Variants in CNTNAP5 observed in about 807,000 individuals in gnomAD.
CNTNAP5 encodes the protein contactin-associated protein-like 5.
A neutral mutation model predicts 150.2 loss-of-function variants in CNTNAP5; 72 were observed. That is an observed-to-expected ratio of 0.48 (90% CI 0.40 to 0.58). The LOEUF (loss-of-function observed/expected upper bound fraction) is 0.58. Ranked by LOEUF, CNTNAP5 falls within the 20% of genes least tolerant of loss-of-function variation. CNTNAP5 has a pLI of 0.00. For synonymous variants in CNTNAP5, 672 were observed against 619.8 expected, an observed-to-expected ratio of 1.08 and a Z score of -1.25; for missense variants, 1,636 against 1,626.2, an observed-to-expected ratio of 1.01 and a Z score of -0.10.
chr2:124,830,002 A>G (rs1442565856), intron 19 of CNTNAP5, among the ~76,000 whole-genome samples: 1 of 151,592 alleles, frequency 6.6e-6, no homozygotes, highest in Non-Finnish European at 1.5e-5. Flanking sequence ...CATAATCAAA[A>G]TTATAGCTGA....
intron 4 of CNTNAP5, among the ~76,000 whole-genome samples, chr2:124,419,153 A>AACAAAAAAAAC (rs1553466543): frequency 1.3e-5 from 1 of 76,404 alleles, no homozygotes; most frequent in African/African-American, 4.8e-5. Flanking sequence ...AAAAAAAAAA[A>AACAAAAAAAAC]AAAAAAAAAA....
At chr2:124,135,993 T>C (rs995814779) in intron 1 of CNTNAP5, among the ~76,000 whole-genome samples, 1 of 152,216 alleles carries the variant, frequency 6.6e-6, no homozygotes, top group Non-Finnish European at 1.5e-5. Context: ...GAACCTTAAA[T>C]CTAGGTGAAC....
At chr2:124,677,481 A>T (rs996709818) in intron 13 of CNTNAP5, among the ~76,000 whole-genome samples, 10 of 152,202 alleles carry the variant, frequency 6.6e-5, no homozygotes, top group African/African-American at 2.4e-4. Flanking sequence ...GGCCCCGCCC[A>T]CATCCTGCTG....
chr2:124,486,970 A>G (rs963053962), intron 7 of CNTNAP5, among the ~76,000 whole-genome samples: 5 of 152,206 alleles, frequency 3.3e-5, no homozygotes, highest in Non-Finnish European at 4.4e-5. Flanking sequence ...ATTCATATTT[A>G]ACCTAAAAAT....
At chr2:124,879,085 G>C (rs773682131) in intron 21 of CNTNAP5, among the ~76,000 whole-genome samples, 1 of 152,132 alleles carries the variant, frequency 6.6e-6, no homozygotes, top group South Asian at 2.1e-4. Flanking sequence ...CCTCTGATGG[G>C]TTATAATCAT....
chr2:124,600,760 AG>A (rs1206961344), intron 11 of CNTNAP5, among the ~76,000 whole-genome samples: 1 of 114,472 alleles, frequency 8.7e-6, no homozygotes, highest in Non-Finnish European at 2.0e-5. Flanking sequence ...AGAGAGAGAG[AG>A]AGAGAGAAAG....
rs184195149 is a variant in CNTNAP5, at chr2:124,089,890, A to G, written c.82+64158A>G. 5.0e-3 allele frequency among the ~76,000 whole-genome samples: 756 copies of G among 152,292 alleles called. 3 individuals carry two copies. Among genetic ancestry groups the G allele is most frequent in the Admixed American group, 8.0e-3 (123 of 15,302 alleles). ...CTTTCATGCACATGCTTCAAATCTCAGCCTTTGGGTTGTGAAGCACTTCAG... is the reference window on the plus strand; with the variant it reads ...CTTTCATGCACATGCTTCAAATCTCGGCCTTTGGGTTGTGAAGCACTTCAG... On this transcript the variant is annotated intron_variant, in intron 1 of 23. Transcript: ENST00000682447.
At chr2:124,339,631 G>A (rs182994056) in intron 3 of CNTNAP5, among the ~76,000 whole-genome samples, 8 of 152,182 alleles carry the variant, frequency 5.3e-5, no homozygotes, top group Admixed American at 3.3e-4. Context: ...TGGGTTTTTC[G>A]TGCTCACTGT....
chr2:124,034,818 C>G (rs1223890339), intron 1 of CNTNAP5, among the ~76,000 whole-genome samples: 1 of 152,158 alleles, frequency 6.6e-6, no homozygotes, highest in East Asian at 1.9e-4. Context: ...GAGATTCAGG[C>G]AGATGGACCT....
intron 8 of CNTNAP5, among the ~76,000 whole-genome samples, chr2:124,521,514 A>G (rs1694845566): frequency 6.6e-6 from 1 of 152,172 alleles, no homozygotes; most frequent in Non-Finnish European, 1.5e-5. Flanking sequence ...ACAGACTCCC[A>G]TTGAGCAGAC....
chr2:124,359,330 T>A (rs2104712409), intron 3 of CNTNAP5, among the ~76,000 whole-genome samples: 1 of 151,540 alleles, frequency 6.6e-6, no homozygotes, highest in East Asian at 2.0e-4. Context: ...TTTTAGTTAT[T>A]TCTTGCCTTC....
At chr2:124,528,442 G>A (rs1695026706) in intron 10 of CNTNAP5, among the ~76,000 whole-genome samples, 1 of 152,114 alleles carries the variant, frequency 6.6e-6, no homozygotes, top group Non-Finnish European at 1.5e-5. Context: ...AGAGGGGAAG[G>A]GAGATTGGCA....
intron 3 of CNTNAP5, among the ~76,000 whole-genome samples, chr2:124,409,971 G>A (rs1691702016): frequency 2.0e-5 from 3 of 150,266 alleles, no homozygotes; most frequent in Admixed American, 6.6e-5. Context: ...TCAGTGTGCT[G>A]TATTCAGGGA....
At chr2:124,735,383 T>C (rs948670047) in intron 13 of CNTNAP5, among the ~76,000 whole-genome samples, 1 of 152,124 alleles carries the variant, frequency 6.6e-6, no homozygotes, top group Non-Finnish European at 1.5e-5. Flanking sequence ...CCAATTAGAC[T>C]TCATAGAAAC....
intron 21 of CNTNAP5, among the ~76,000 whole-genome samples, chr2:124,890,650 A>G (rs1678175062): frequency 6.6e-6 from 1 of 152,236 alleles, no homozygotes; most frequent in African/African-American, 2.4e-5. Flanking sequence ...GATGCCAACA[A>G]TATGTTTATT....
intron 13 of CNTNAP5, among the ~76,000 whole-genome samples, chr2:124,660,090 G>C (rs1678555850): frequency 6.6e-6 from 1 of 151,584 alleles, no homozygotes; most frequent in African/African-American, 2.4e-5. Flanking sequence ...AAGGGAGGGA[G>C]ATAGGAAGGA....
chr2:124,560,973 A>C (rs544162136), intron 10 of CNTNAP5, among the ~76,000 whole-genome samples: 2,482 of 152,182 alleles, frequency 0.016, 67 homozygotes, highest in African/African-American at 0.056. Flanking sequence ...AAACAACAAA[A>C]AAAAAAACTA....
chr2:124,218,209 C>T (rs1040771890), intron 1 of CNTNAP5, among the ~76,000 whole-genome samples: 3 of 152,080 alleles, frequency 2.0e-5, no homozygotes, highest in Admixed American at 6.6e-5. Context: ...CAGACCTTGG[C>T]GACAACCTTG....
At chr2:124,860,414 CCCTT>C (rs201141839) in intron 19 of CNTNAP5, among the ~76,000 whole-genome samples, 5,104 of 93,308 alleles carry the variant, frequency 0.055, 392 homozygotes, top group African/African-American at 0.17. Flanking sequence ...CTCCCTCTCT[CCCTT>C]CCTTCCTTCC....
Sources: gnomAD v4.1 joint callset for allele counts (sites outside exome capture counted in the v4.1 genomes callset) on GRCh38, gnomAD v4.1.1 for gene constraint, MANE v1.5 for transcripts, NCBI Gene and HGNC (gene_info 2026-07-23, HGNC 2026-07-21) for gene names.